The following CACNB4 variants were observed in gnomAD, a reference collection of about 807,000 sequenced individuals.
The protein encoded by CACNB4 is voltage-dependent L-type calcium channel subunit beta-4.
CACNB4 carries 32 observed loss-of-function variants against 71.2 expected under a neutral mutation model. The observed-to-expected ratio is 0.45, with a 90% CI of 0.34 to 0.60. The LOEUF (loss-of-function observed/expected upper bound fraction) is 0.60. Ranked by LOEUF, CACNB4 falls within the 20% of genes least tolerant of loss-of-function variation. CACNB4 has a pLI of 0.01. For synonymous variants in CACNB4, 231 were observed against 236.9 expected, an observed-to-expected ratio of 0.97 and a Z score of 0.23; for missense variants, 464 against 647.9, an observed-to-expected ratio of 0.72 and a Z score of 3.08.
chr2:152,090,327 T>C (rs1429838209), intron 2 of CACNB4, among the ~76,000 whole-genome samples: 1 of 152,228 alleles, frequency 6.6e-6, no homozygotes, highest in Non-Finnish European at 1.5e-5. Context: ...TCAGCTTACA[T>C]TTCCACACAG....
intron 2 of CACNB4, among the ~76,000 whole-genome samples, chr2:151,943,956 T>C (rs1315815557): frequency 6.6e-6 from 1 of 152,084 alleles, no homozygotes; most frequent in Non-Finnish European, 1.5e-5. Context: ...TCATTGGAGG[T>C]GTTAAAAATT....
At chr2:151,956,662 G>A (rs892900062) in intron 2 of CACNB4, among the ~76,000 whole-genome samples, 16 of 152,134 alleles carry the variant, frequency 1.1e-4, no homozygotes, top group Admixed American at 2.0e-4. Flanking sequence ...CACTTTAAAC[G>A]GCTGAATTCC....
intron 2 of CACNB4, among the ~76,000 whole-genome samples, chr2:151,947,303 C>T (rs2151650274): frequency 6.6e-6 from 1 of 152,256 alleles, no homozygotes; most frequent in East Asian, 1.9e-4. Context: ...GTTCTGTAAA[C>T]CTGCAAAACA....
intron 2 of CACNB4, chr2:151,969,570 T>C (rs1243855577): frequency 6.6e-6 from 1 of 152,196 alleles, no homozygotes; most frequent in Non-Finnish European, 1.5e-5. Context: ...CATCTCCCAC[T>C]TAGCATTAAC....
chr2:151,965,713 C>T (rs2099870904), intron 2 of CACNB4, among the ~76,000 whole-genome samples: 1 of 146,492 alleles, frequency 6.8e-6, no homozygotes, highest in African/African-American at 2.5e-5. Context: ...GAGAAATTTA[C>T]TTCTCAGAAA....
intron 2 of CACNB4, among the ~76,000 whole-genome samples, chr2:151,933,572 C>T (rs940882815): frequency 2.0e-5 from 3 of 152,184 alleles, no homozygotes; most frequent in Admixed American, 1.3e-4. Flanking sequence ...AACTAGAAGC[C>T]TGGACTCAAA....
intron 13 of CACNB4, among the ~76,000 whole-genome samples, chr2:151,841,360 G>T (rs1233234950): frequency 3.9e-5 from 6 of 152,140 alleles, no homozygotes; most frequent in Admixed American, 6.6e-5. Flanking sequence ...ATTGCTTGAA[G>T]CCAGGAGTTT....
At chr2:151,923,528 C>T (rs2099859474) in intron 2 of CACNB4, among the ~76,000 whole-genome samples, 1 of 152,218 alleles carries the variant, frequency 6.6e-6, no homozygotes. Context: ...AAACTAGGTG[C>T]AGGGAGCTGG....
intron 2 of CACNB4, among the ~76,000 whole-genome samples, chr2:152,007,691 A>T (rs1682809545): frequency 6.6e-6 from 1 of 152,120 alleles, no homozygotes; most frequent in Admixed American, 6.5e-5. Context: ...AGTTGTACAG[A>T]TACCTGTTCA....
chr2:151,898,663 G>T (rs549521695), intron 2 of CACNB4, among the ~76,000 whole-genome samples: 1 of 152,298 alleles, frequency 6.6e-6, no homozygotes, highest in African/African-American at 2.4e-5. Context: ...TGAGATGCAT[G>T]CCTTAAAAGG....
chr2:152,057,014 C>T (rs1436670376), intron 2 of CACNB4, among the ~76,000 whole-genome samples: 5 of 152,160 alleles, frequency 3.3e-5, no homozygotes, highest in African/African-American at 1.2e-4. Flanking sequence ...CAATCCTCTT[C>T]TCATGAGTAA....
intron 2 of CACNB4, among the ~76,000 whole-genome samples, chr2:151,962,576 A>C (rs974647702): frequency 6.6e-6 from 1 of 152,264 alleles, no homozygotes; most frequent in Admixed American, 6.5e-5. Context: ...TCGGATGCTC[A>C]TGGCTAAGGC....
intron 2 of CACNB4, among the ~76,000 whole-genome samples, chr2:151,929,796 T>C (rs999844213): frequency 6.6e-6 from 1 of 152,110 alleles, no homozygotes; most frequent in Admixed American, 6.5e-5. Flanking sequence ...AAACAAAATA[T>C]GTAGAATACT....
intron 13 of CACNB4, among the ~76,000 whole-genome samples, 180 bp from the exon 14 acceptor site, chr2:151,839,559 T>C (rs1225964457): frequency 6.6e-6 from 1 of 152,200 alleles, no homozygotes; most frequent in Non-Finnish European, 1.5e-5. Flanking sequence ...GGACACAACA[T>C]GAAAAGATGC....
chr2:151,989,790 AC>A (rs891048939), intron 2 of CACNB4, among the ~76,000 whole-genome samples: 2 of 152,128 alleles, frequency 1.3e-5, no homozygotes, highest in African/African-American at 4.8e-5. Context: ...GCAATAGTGA[AC>A]TCACCTCCAT....
At chr2:152,027,571 C>G (rs1347844968) in intron 2 of CACNB4, among the ~76,000 whole-genome samples, 1 of 152,188 alleles carries the variant, frequency 6.6e-6, no homozygotes, top group Non-Finnish European at 1.5e-5. Flanking sequence ...TCAAACCACA[C>G]AAGCTTTGGC....
At chr2:151,847,099 CAAA>C (rs397766580) in intron 12 of CACNB4, among the ~76,000 whole-genome samples, 15 of 79,750 alleles carry the variant, frequency 1.9e-4, no homozygotes, top group South Asian at 4.5e-4. Flanking sequence ...AAACTGACAC[CAAA>C]AAAAAAAAAA....
intron 2 of CACNB4, among the ~76,000 whole-genome samples, chr2:152,001,759 T>G (rs140030140): frequency 6.7e-6 from 1 of 149,576 alleles, no homozygotes; most frequent in Non-Finnish European, 1.5e-5. Context: ...GGGTAACAAG[T>G]GCTTCCGGAG....
At position 152,040,053 on chromosome 2, in the gene CACNB4, G is replaced by C. The variant is rs147904215; in HGVS notation, c.147+58277C>G. Among the ~76,000 whole-genome samples, 251 of 152,250 alleles carry C rather than the reference G, an allele frequency of 1.6e-3. 3 individuals carry two copies. Among genetic ancestry groups the C allele is most frequent in the Non-Finnish European group, 4.7e-4 (32 of 68,020 alleles). On this transcript the variant is annotated intron_variant, in intron 2 of 13. Coordinates refer to ENST00000539935, the MANE Select transcript of CACNB4 (RefSeq NM_000726.5). ...TTCTATTTCTACAAAAATTGTACTG[G>C]CTGATAAGTGATGGCCCCCAGTTTT...
Sources: gnomAD v4.1 joint callset for allele counts (sites outside exome capture counted in the v4.1 genomes callset) on GRCh38, gnomAD v4.1.1 for gene constraint, MANE v1.5 for transcripts, NCBI Gene and HGNC (gene_info 2026-07-23, HGNC 2026-07-21) for gene names.